The following EPHA6 variants were observed in gnomAD, a reference collection of about 807,000 sequenced individuals.
The protein encoded by EPHA6 is ephrin type-A receptor 6.
A neutral mutation model predicts 112.0 loss-of-function variants in EPHA6; 50 were observed. The observed-to-expected ratio is 0.45, with a 90% confidence interval of 0.36 to 0.56. EPHA6 has a LOEUF of 0.56. Ranked by LOEUF, EPHA6 falls within the 20% of genes least tolerant of loss-of-function variation. EPHA6 has a pLI of 0.00. For synonymous variants in EPHA6, 529 were observed against 490.7 expected, an observed-to-expected ratio of 1.08 and a Z score of -1.03; for missense variants, 1,280 against 1,417.4, an observed-to-expected ratio of 0.90 and a Z score of 1.56.
chr3:97,301,326 T>C (rs2081082224), intron 5 of EPHA6, among the ~76,000 whole-genome samples: 1 of 152,220 alleles, frequency 6.6e-6, no homozygotes, highest in Non-Finnish European at 1.5e-5. Context: ...GAATTCAGCA[T>C]GCTGACTAAG....
chr3:97,338,924 T>C (rs955172127), intron 5 of EPHA6, among the ~76,000 whole-genome samples: 1 of 152,192 alleles, frequency 6.6e-6, no homozygotes, highest in African/African-American at 2.4e-5. Context: ...ACTGTGATTA[T>C]TTCTCAATCT....
At chr3:97,712,620 T>C (rs2107768502) in intron 14 of EPHA6, among the ~76,000 whole-genome samples, 1 of 152,298 alleles carries the variant, frequency 6.6e-6, no homozygotes, top group South Asian at 2.1e-4. Context: ...TTTACAGATG[T>C]CCCCCAGAAT....
In EPHA6 at chr3:97,112,819, A is replaced by G. The variant is rs1485291088; in HGVS notation, c.1115-113445A>G. On this transcript the variant is annotated intron_variant, in intron 3 of 17. Coordinates refer to ENST00000389672, the MANE Select transcript of EPHA6 (RefSeq NM_001080448.3). Reference sequence around the variant, plus strand: ...CCTCCTCTTGAACTTTGTACCATACAGCTAGTATCACTGTCTCACCTAAAT... The same window carrying G: ...CCTCCTCTTGAACTTTGTACCATACGGCTAGTATCACTGTCTCACCTAAAT... 2.6e-5 allele frequency among the ~76,000 whole-genome samples: 4 copies of G among 152,124 alleles called. No individual in the cohort carries two copies. In the East Asian group the frequency reaches 7.7e-4, roughly 29 times the overall value.
Position 97,428,207 on chromosome 3 carries a change from C to T in EPHA6, c.1732-20361C>T, listed in dbSNP as rs183257166. Among the ~76,000 whole-genome samples the T allele has an allele frequency of 6.2e-3, 942 of 152,036 alleles. 12 individuals carry two copies. Among genetic ancestry groups the T allele is most frequent in the African/African-American group, 0.02 (848 of 41,480 alleles). On this transcript the variant is annotated intron_variant, in intron 6 of 17. Coordinates refer to ENST00000389672, the MANE Select transcript of EPHA6 (RefSeq NM_001080448.3). Reference sequence around the variant, plus strand: ...TATTTGTAGAAACCTCAAAAACATACGAAACTAAACAATATATTATTTATG... The same window carrying T: ...TATTTGTAGAAACCTCAAAAACATATGAAACTAAACAATATATTATTTATG...
At chr3:97,259,352 T>G (rs564968066) in intron 5 of EPHA6, among the ~76,000 whole-genome samples, 7 of 152,288 alleles carry the variant, frequency 4.6e-5, no homozygotes, top group South Asian at 2.1e-4. Context: ...TTATCTTTTT[T>G]TTTGTTTGTT....
chr3:97,668,910 T>C (rs1159753059), intron 14 of EPHA6, among the ~76,000 whole-genome samples: 1 of 3,934 alleles, frequency 2.5e-4, no homozygotes, highest in Non-Finnish European at 4.6e-4. Context: ...AGACTCTGTC[T>C]CAAAAAAAAA....
At chr3:96,900,207 T>A (rs2038528081) in intron 2 of EPHA6, among the ~76,000 whole-genome samples, 1 of 152,162 alleles carries the variant, frequency 6.6e-6, no homozygotes, top group African/African-American at 2.4e-5. Context: ...CATCACAGAA[T>A]AAAGTAATGA....
rs149210430 is a variant in EPHA6, at chr3:97,578,462, G to A, written c.2387-14150G>A. ...TGATCACATAGCTTCATCTGGATGA[G>A]TAAGAAAGCTGGAAAAATATGGTCT... is the stretch of plus-strand genomic sequence containing the variant. On this transcript the variant is annotated intron_variant, in intron 11 of 17. Transcript: ENST00000389672. 4.8e-3 allele frequency among the ~76,000 whole-genome samples: 733 copies of A among 152,300 alleles called. 3 individuals carry two copies. Among genetic ancestry groups the A allele is most frequent in the South Asian group, 0.018 (89 of 4,830 alleles).
chr3:96,924,112 G>A (rs1489608649), intron 2 of EPHA6, among the ~76,000 whole-genome samples: 1 of 152,088 alleles, frequency 6.6e-6, no homozygotes, highest in Non-Finnish European at 1.5e-5. Context: ...CCTTGGGATT[G>A]TTTGGCCATT....
At chr3:97,616,558 CAA>C (rs1489472181) in intron 13 of EPHA6, among the ~76,000 whole-genome samples, 1 of 152,002 alleles carries the variant, frequency 6.6e-6, no homozygotes, top group Admixed American at 6.6e-5. Context: ...AGCTGACAGT[CAA>C]AATAGCCAGT....
intron 3 of EPHA6, among the ~76,000 whole-genome samples, chr3:97,210,211 G>GA: frequency 6.6e-6 from 1 of 152,188 alleles, no homozygotes; most frequent in East Asian, 1.9e-4. Context: ...AATTTATAAA[G>GA]AAAAAATGTT....
chr3:97,725,115 C>T (rs1217665920), intron 15 of EPHA6, among the ~76,000 whole-genome samples: 1 of 152,074 alleles, frequency 6.6e-6, no homozygotes, highest in Non-Finnish European at 1.5e-5. Context: ...TCCAGAGGCT[C>T]GTGCAGGATT....
At chr3:97,327,778 A>T (rs2082509977) in intron 5 of EPHA6, among the ~76,000 whole-genome samples, 1 of 150,850 alleles carries the variant, frequency 6.6e-6, no homozygotes, top group Non-Finnish European at 1.5e-5. Flanking sequence ...AGGTTCATCG[A>T]AGTTGTAGCA....
intron 3 of EPHA6, among the ~76,000 whole-genome samples, chr3:97,126,335 C>T (rs955223810): frequency 1.3e-5 from 2 of 152,124 alleles, no homozygotes; most frequent in Admixed American, 6.5e-5. Context: ...AAGCTAACTC[C>T]AGGTGTAAGG....
At chr3:97,685,860 C>T (rs575713040) in intron 14 of EPHA6, among the ~76,000 whole-genome samples, 1 of 152,232 alleles carries the variant, frequency 6.6e-6, no homozygotes, top group South Asian at 2.1e-4. Flanking sequence ...CCAAAGATTA[C>T]ACAATAATCA....
chr3:97,203,447 G>A (rs898007761), intron 3 of EPHA6, among the ~76,000 whole-genome samples: 2 of 152,108 alleles, frequency 1.3e-5, no homozygotes, highest in African/African-American at 4.8e-5. Flanking sequence ...TAAGGGTAGA[G>A]AAGTTGCCAC....
intron 5 of EPHA6, among the ~76,000 whole-genome samples, chr3:97,340,971 C>T (rs2083275260): frequency 6.6e-6 from 1 of 152,198 alleles, no homozygotes; most frequent in African/African-American, 2.4e-5. Context: ...GCCTTACTCA[C>T]ATTCCTTTTA....
intron 4 of EPHA6, among the ~76,000 whole-genome samples, chr3:97,239,038 A>T (rs1559819688): frequency 2.0e-5 from 3 of 151,996 alleles, no homozygotes. Context: ...TTAATGCATA[A>T]CAAGTTTTGT....
intron 1 of EPHA6, among the ~76,000 whole-genome samples, chr3:96,816,297 T>TG (rs1165347477): frequency 3.9e-5 from 6 of 152,284 alleles, no homozygotes; most frequent in Admixed American, 3.9e-4. Context: ...AATGTGTAGG[T>TG]GAATTTGGAA....
Sources: gnomAD v4.1 joint callset for allele counts (sites outside exome capture counted in the v4.1 genomes callset) on GRCh38, gnomAD v4.1.1 for gene constraint, MANE v1.5 for transcripts, NCBI Gene and HGNC (gene_info 2026-07-23, HGNC 2026-07-21) for gene names.